Variants in GTF2E2 observed in about 807,000 individuals in gnomAD.
GTF2E2 encodes general transcription factor IIE subunit 2.
A neutral mutation model predicts 40.5 loss-of-function variants in GTF2E2; 21 were observed. The ratio of observed to expected loss-of-function variants is 0.52; its 90% CI spans 0.37 to 0.75. The LOEUF (loss-of-function observed/expected upper bound fraction) is 0.75. GTF2E2 is among the 30% of genes least tolerant of loss of function. The pLI is 0.00. For missense variants in GTF2E2, 298 were observed against 338.4 expected (o/e 0.88, Z 0.94); for synonymous variants, 117 against 121.6 (o/e 0.96, Z 0.25).
intron 6 of GTF2E2, among the ~76,000 whole-genome samples, chr8:30,593,004 C>T (rs558681677): frequency 2.6e-5 from 4 of 152,156 alleles, no homozygotes; most frequent in Admixed American, 2.6e-4. Context: ...AGTTTGAGAC[C>T]AGCCTGACCT....
At chr8:30,641,864 A>AGAC (rs1239496295) in intron 2 of GTF2E2, among the ~76,000 whole-genome samples, 13 of 152,112 alleles carry the variant, frequency 8.5e-5, no homozygotes, top group Admixed American at 2.6e-4. Flanking sequence ...TGACAGAACG[A>AGAC]GACTCTGTCT....
chr8:30,580,764 T>A (rs145491410), intron 6 of GTF2E2, among the ~76,000 whole-genome samples: 25 of 152,298 alleles, frequency 1.6e-4, no homozygotes, highest in African/African-American at 5.8e-4. Flanking sequence ...CCTCTCTCAT[T>A]GATAATAGAA....
At chr8:30,614,408 C>T (rs1280793131) in intron 4 of GTF2E2, among the ~76,000 whole-genome samples, 200 bp downstream of exon 4, 1 of 152,082 alleles carries the variant, frequency 6.6e-6, no homozygotes, top group Admixed American at 6.5e-5. Context: ...GGTGAAACCC[C>T]GTCTCTACTA....
At chr8:30,606,670 CATAAG>C (rs1265445906) in intron 6 of GTF2E2, among the ~76,000 whole-genome samples, 3 of 152,154 alleles carry the variant, frequency 2.0e-5, no homozygotes, top group African/African-American at 4.8e-5. Context: ...CTGAAAGATT[CATAAG>C]ATAAGAGAAC....
intron 2 of GTF2E2, among the ~76,000 whole-genome samples, chr8:30,640,138 A>G (rs1801761686): frequency 6.6e-6 from 1 of 152,172 alleles, no homozygotes; most frequent in African/African-American, 2.4e-5. Context: ...CTGTTTCACC[A>G]AACTGACTGG....
At chr8:30,593,509 T>C (rs1828907568) in intron 6 of GTF2E2, among the ~76,000 whole-genome samples, 1 of 152,246 alleles carries the variant, frequency 6.6e-6, no homozygotes, top group East Asian at 1.9e-4. Context: ...CTTTTTCTTT[T>C]TGAGACAGGC....
chr8:30,587,271 AG>A (rs1828709590), intron 6 of GTF2E2, among the ~76,000 whole-genome samples: 1 of 152,036 alleles, frequency 6.6e-6, no homozygotes, highest in African/African-American at 2.4e-5. Flanking sequence ...AGATTAGCCA[AG>A]TTTGGCAGTA....
intron 6 of GTF2E2, among the ~76,000 whole-genome samples, chr8:30,595,740 G>A (rs1208841858): frequency 1.3e-5 from 2 of 152,120 alleles, no homozygotes; most frequent in African/African-American, 2.4e-5. Context: ...GCTGAGATGG[G>A]AGGATGAATT....
chr8:30,594,182 T>C (rs979858502), intron 6 of GTF2E2, among the ~76,000 whole-genome samples: 1 of 151,984 alleles, frequency 6.6e-6, no homozygotes, highest in Non-Finnish European at 1.5e-5. Flanking sequence ...TCTGCCCACC[T>C]CGGCCTCCCA....
intron 2 of GTF2E2, among the ~76,000 whole-genome samples, chr8:30,637,652 T>C (rs1026291376): frequency 6.6e-6 from 1 of 152,162 alleles, no homozygotes; most frequent in African/African-American, 2.4e-5. Context: ...ACCTCCTGAA[T>C]AGCTGGGATT....
At chr8:30,604,395 C>G (rs753509613) in intron 6 of GTF2E2, among the ~76,000 whole-genome samples, 1 of 152,164 alleles carries the variant, frequency 6.6e-6, no homozygotes, top group Non-Finnish European at 1.5e-5. Flanking sequence ...TCTCAATTTA[C>G]TTCTGCATTA....
chr8:30,583,640 A>C (rs939745399), intron 6 of GTF2E2, among the ~76,000 whole-genome samples: 4 of 152,132 alleles, frequency 2.6e-5, no homozygotes, highest in Non-Finnish European at 5.9e-5. Flanking sequence ...TTGGCCTCCC[A>C]AAGTACTGGG....
intron 6 of GTF2E2, among the ~76,000 whole-genome samples, chr8:30,590,911 G>A (rs927921621): frequency 2.0e-5 from 3 of 151,976 alleles, no homozygotes; most frequent in East Asian, 1.9e-4. Context: ...AGCTGGTCTC[G>A]AACTCCTAAC....
intron 3 of GTF2E2, among the ~76,000 whole-genome samples, chr8:30,633,420 ATAC>A (rs1186781478): frequency 1.3e-5 from 2 of 152,224 alleles, no homozygotes; most frequent in Admixed American, 6.5e-5. Context: ...TTTTATTGAA[ATAC>A]TACAATATGC....
At chr8:30,646,752 CG>C (rs1411119782) in intron 2 of GTF2E2, among the ~76,000 whole-genome samples, 1 of 151,990 alleles carries the variant, frequency 6.6e-6, no homozygotes, top group Middle Eastern at 3.2e-3. Flanking sequence ...GAGGCCAAGG[CG>C]GATGGATCAC....
At chr8:30,637,967 T>C (rs1801667537) in intron 2 of GTF2E2, among the ~76,000 whole-genome samples, 1 of 152,204 alleles carries the variant, frequency 6.6e-6, no homozygotes, top group South Asian at 2.1e-4. Context: ...AAATACTCTG[T>C]CTCTAAAGAG....
At chr8:30,579,181 T>C (rs1351852033) in intron 7 of GTF2E2, 144 bp from the exon 8 acceptor site, 4 of 668,710 alleles carry the variant, frequency 6.0e-6, no homozygotes, top group Middle Eastern at 4.0e-4. Flanking sequence ...GCAGCACACA[T>C]GGGGCACAGC....
chr8:30,644,782 T>C (rs1441291007), intron 2 of GTF2E2, among the ~76,000 whole-genome samples: 1 of 151,432 alleles, frequency 6.6e-6, no homozygotes, highest in African/African-American at 2.4e-5. Context: ...AACGGTTTCA[T>C]TCCCATTGTC....
chr8:30,645,203 T>G, intron 2 of GTF2E2: 1 of 1,217,098 alleles, frequency 8.2e-7, no homozygotes, highest in Non-Finnish European at 1.1e-6. Flanking sequence ...ACAAATTTAC[T>G]AAGAAATCTT....
Sources: allele counts gnomAD v4.1 joint callset (sites outside exome capture counted in the v4.1 genomes callset), GRCh38; gene constraint gnomAD v4.1.1; transcripts MANE v1.5; gene names NCBI Gene and HGNC (gene_info 2026-07-23, HGNC 2026-07-21).